EML1: variants seen among roughly 807,000 people sequenced by gnomAD.
The protein encoded by EML1 is echinoderm microtubule-associated protein-like 1.
EML1 carries 27 observed loss-of-function variants against 110.4 expected under a neutral mutation model. The ratio of observed to expected loss-of-function variants is 0.24; its 90% CI spans 0.18 to 0.34. The LOEUF (loss-of-function observed/expected upper bound fraction) is 0.34. Among genes scored for constraint, EML1 ranks in the 10% least tolerant of loss-of-function variants. The pLI is 1.00. For synonymous variants in EML1, 344 were observed against 385.8 expected, an observed-to-expected ratio of 0.89 and a Z score of 1.27; for missense variants, 741 against 1,030.9, an observed-to-expected ratio of 0.72 and a Z score of 3.85.
chr14:99,768,336 C>T (rs1307420068), upstream of EML1, among the ~76,000 whole-genome samples: 1 of 152,124 alleles, frequency 6.6e-6, no homozygotes. Flanking sequence ...GAGATGGGGT[C>T]TCTGAGGGTC....
chr14:99,794,594 A>G (rs1412217903), intron 1 of EML1, among the ~76,000 whole-genome samples: 1 of 152,156 alleles, frequency 6.6e-6, no homozygotes, highest in East Asian at 1.9e-4. Context: ...CATCCTCTGT[A>G]GTGGTATTTT....
chr14:99,839,293 A>G, intron 1 of EML1, among the ~76,000 whole-genome samples: 1 of 152,090 alleles, frequency 6.6e-6, no homozygotes, highest in East Asian at 1.9e-4. Context: ...GGCATATAAC[A>G]GTTGGGGCAG....
In EML1 at chr14:99,879,133, C is replaced by T. The variant is rs544417883; in HGVS notation, c.518+514C>T. On this transcript the variant is annotated intron_variant, in intron 4 of 21. Coordinates refer to ENST00000262233, the MANE Select transcript of EML1 (RefSeq NM_004434.3). The stretch of plus-strand genomic sequence containing the variant: ...TTTTTCTTTATGGTTTCATGAAATA[C>T]GTGGACTCCAAATTTTTGAGTTTTT... Among the ~76,000 whole-genome samples the T allele has an allele frequency of 2.9e-3, 447 of 152,204 alleles. 1 individual carries two copies. Among genetic ancestry groups the T allele is most frequent in the African/African-American group, 0.01 (433 of 41,546 alleles).
intron 2 of EML1, 99 bp downstream of exon 2, chr14:99,851,134 C>T (rs934485141): frequency 5.4e-6 from 7 of 1,289,616 alleles, no homozygotes; most frequent in East Asian, 2.5e-5. Flanking sequence ...GACAGAGAAT[C>T]GAAACTTAGA....
chr14:99,933,288 G>T (rs1424635153), intron 17 of EML1, among the ~76,000 whole-genome samples: 1 of 152,162 alleles, frequency 6.6e-6, no homozygotes, highest in East Asian at 1.9e-4. Context: ...TGATTCTCCA[G>T]CCTTACCCTC....
intron 2 of EML1, among the ~76,000 whole-genome samples, chr14:99,863,183 A>C (rs886415155): frequency 6.6e-6 from 1 of 152,170 alleles, no homozygotes; most frequent in Non-Finnish European, 1.5e-5. Flanking sequence ...CCTTTGTGGG[A>C]AGCACCCTTA....
intron 1 of EML1, among the ~76,000 whole-genome samples, chr14:99,824,436 T>C (rs1026604096): frequency 6.6e-6 from 1 of 152,124 alleles, no homozygotes; most frequent in Admixed American, 6.6e-5. Context: ...TGTACACACA[T>C]ATGTATGTCA....
intron 3 of EML1, 102 bp from the exon 4 acceptor site, chr14:99,878,383 T>C: frequency 6.8e-7 from 1 of 1,478,196 alleles, no homozygotes; most frequent in South Asian, 1.4e-5. Context: ...CTTTTGAATA[T>C]CCATGTGGAA....
chr14:99,937,171 C>T (rs575869621), intron 19 of EML1, among the ~76,000 whole-genome samples: 8 of 152,208 alleles, frequency 5.3e-5, no homozygotes, highest in South Asian at 2.1e-4. Context: ...GGACCACTGG[C>T]GGCAGGGAAA....
intron 2 of EML1, among the ~76,000 whole-genome samples, chr14:99,858,723 A>G (rs888071531): frequency 6.6e-6 from 1 of 152,148 alleles, no homozygotes; most frequent in Non-Finnish European, 1.5e-5. Flanking sequence ...GATGATAGGA[A>G]TCTCCTCCAG....
At chr14:99,836,995 T>TC (rs1305960443) in intron 1 of EML1, among the ~76,000 whole-genome samples, 1 of 151,810 alleles carries the variant, frequency 6.6e-6, no homozygotes, top group African/African-American at 2.4e-5. Context: ...GTTCTAATTT[T>TC]TTTTTTTTTT....
upstream of EML1, among the ~76,000 whole-genome samples, chr14:99,770,377 T>TTCTG (rs1555388115): frequency 1.3e-5 from 2 of 150,186 alleles, no homozygotes; most frequent in Admixed American, 1.3e-4. Context: ...AAAAATTTCT[T>TTCTG]TCTATCTATC....
At position 99,939,229 on chromosome 14, in the gene EML1, A is replaced by C; in HGVS notation, c.2224A>C (p.Ile742Leu). Residue 742 changes from isoleucine (I) to leucine (L), a missense_variant, in exon 21 of 22, where the codon ATC (isoleucine) becomes CTC (leucine). Ile to Leu is a conservative substitution (Grantham distance 5). Around this residue, in one of 4 missense-constraint regions of EML1, gnomAD observed 114 missense variants for 122.5 expected, o/e 0.93. Coordinates refer to ENST00000262233, the MANE Select transcript of EML1 (RefSeq NM_004434.3). This position sits in a 1 kb window ranked among gnomAD's most constrained non-coding sequence, Gnocchi z 4.2. ...VWPEGSDGTD[I>L]NAVCRAHEKK... ...GCCAGAAGGCTCGGACGGAACCGAC[A>C]TCAATGCCGTCTGTCGGGCCCATGA... 1 of 1,614,200 alleles carries C rather than the reference A, an allele frequency of 6.2e-7. No homozygotes were observed. Among genetic ancestry groups the C allele is most frequent in the Non-Finnish European group, 8.5e-7 (1 of 1,180,036 alleles).
At chr14:99,931,136 A>G (rs998969084) in intron 17 of EML1, among the ~76,000 whole-genome samples, 1 of 152,186 alleles carries the variant, frequency 6.6e-6, no homozygotes, top group Non-Finnish European at 1.5e-5. Context: ...ATCCCCATGC[A>G]GATGCAGCAG....
chr14:99,795,343 T>A (rs970332946), intron 1 of EML1, among the ~76,000 whole-genome samples: 1 of 152,246 alleles, frequency 6.6e-6, no homozygotes, highest in African/African-American at 2.4e-5. Context: ...AACCAACTCT[T>A]ATATTTTGTA....
intron 1 of EML1, among the ~76,000 whole-genome samples, chr14:99,747,629 C>G (rs1415307109): frequency 6.6e-6 from 1 of 152,164 alleles, no homozygotes; most frequent in Non-Finnish European, 1.5e-5. Flanking sequence ...TGCACTGCAC[C>G]AGGGCTGGGC....
intron 2 of EML1, among the ~76,000 whole-genome samples, chr14:99,856,349 G>C (rs528474867): frequency 6.6e-6 from 1 of 152,154 alleles, no homozygotes; most frequent in Admixed American, 6.5e-5. Context: ...GATTTGCAAA[G>C]TGTGCCAAAT....
intron 1 of EML1, among the ~76,000 whole-genome samples, chr14:99,832,211 T>C (rs996365362): frequency 6.6e-6 from 1 of 152,252 alleles, no homozygotes; most frequent in African/African-American, 2.4e-5. Flanking sequence ...TCAATGTTAA[T>C]ATGTTTTTAT....
At position 99,881,999 on chromosome 14, in the gene EML1, C is replaced by T. The variant is rs116624878; in HGVS notation, c.518+3380C>T. Among the ~76,000 whole-genome samples the T allele has an allele frequency of 2.5e-3, 380 of 152,220 alleles. 2 individuals carry two copies. The highest frequency in any genetic ancestry group is 8.7e-3 in the African/African-American group (362 of 41,512). On this transcript the variant is annotated intron_variant, in intron 4 of 21. Coordinates refer to ENST00000262233, the MANE Select transcript of EML1 (RefSeq NM_004434.3). Reference sequence around the variant, plus strand: ...TGAGTCTTTCTTGTGATATGGAAGACCTTTATCTTAGAATGTTTAATTTTT... The same window carrying T: ...TGAGTCTTTCTTGTGATATGGAAGATCTTTATCTTAGAATGTTTAATTTTT...
Sources: allele counts gnomAD v4.1 joint callset (sites outside exome capture counted in the v4.1 genomes callset), GRCh38; gene constraint gnomAD v4.1.1; regional missense constraint gnomAD v4.1.1; non-coding constraint Gnocchi (gnomAD v3.1); transcripts MANE v1.5; gene names NCBI Gene and HGNC (gene_info 2026-07-23, HGNC 2026-07-21).